Variants in CLASP1 observed in about 807,000 individuals in gnomAD.
The protein encoded by CLASP1 is CLIP-associating protein 1.
CLASP1 carries 38 observed loss-of-function variants against 192.3 expected under a neutral mutation model. The observed-to-expected ratio is 0.20, with a 90% CI of 0.15 to 0.26. CLASP1 has a LOEUF of 0.26. CLASP1 is among the 10% of genes least tolerant of loss of function. The probability of loss-of-function intolerance (pLI) is 1.00; values close to 1 mark genes in which losing one functional copy is unlikely to be tolerated. For synonymous variants in CLASP1, 691 were observed against 712.8 expected, an observed-to-expected ratio of 0.97 and a Z score of 0.49; for missense variants, 1,433 against 1,932.5, an observed-to-expected ratio of 0.74 and a Z score of 4.85.
chr2:121,647,305 T>C (rs1177075478), intron 1 of CLASP1, among the ~76,000 whole-genome samples: 3 of 152,060 alleles, frequency 2.0e-5, no homozygotes, highest in East Asian at 1.9e-4. Flanking sequence ...GAGGTGGAGG[T>C]TGCAGTGAGC....
intron 1 of CLASP1, among the ~76,000 whole-genome samples, chr2:121,610,422 AGAG>A (rs1288486797): frequency 5.1e-5 from 5 of 97,250 alleles, no homozygotes; most frequent in Non-Finnish European, 8.7e-5. Context: ...AAGAGGAACT[AGAG>A]GAGGAGGAGG....
chr2:121,596,425 A>G (rs539255880), intron 2 of CLASP1, among the ~76,000 whole-genome samples: 8 of 152,348 alleles, frequency 5.3e-5, no homozygotes, highest in South Asian at 4.1e-4. Flanking sequence ...TCTGAATCCA[A>G]TAATCTTTTC....
At chr2:121,413,038 G>A (rs1298941754) in intron 23 of CLASP1, among the ~76,000 whole-genome samples, 2 of 152,102 alleles carry the variant, frequency 1.3e-5, no homozygotes, top group Non-Finnish European at 2.9e-5. Context: ...TGGGTAAATC[G>A]CTTGAGCCCA....
chr2:121,352,445 A>G (rs938764521), intron 37 of CLASP1, among the ~76,000 whole-genome samples: 2 of 152,350 alleles, frequency 1.3e-5, no homozygotes, highest in Admixed American at 6.5e-5. Flanking sequence ...CTTTCCACAC[A>G]GGTCACCTGA....
chr2:121,578,100 T>G (rs2060715390), intron 2 of CLASP1, among the ~76,000 whole-genome samples: 1 of 152,044 alleles, frequency 6.6e-6, no homozygotes, highest in South Asian at 2.1e-4. Flanking sequence ...GTCCGGCTAA[T>G]TTTTAAATTT....
chr2:121,569,062 A>G lies in CLASP1; in HGVS notation c.195+36639T>C, dbSNP rs1353065547. Among the ~76,000 whole-genome samples the G allele has an allele frequency of 3.3e-5, 5 of 152,254 alleles. No individual in the cohort carries two copies. In the East Asian group the frequency reaches 7.7e-4, roughly 24 times the overall value. ...ATGTTAATTTACTCAATAAATATTT[A>G]TTGAGTGGCCACCATGTCCCAAGCA... On this transcript the variant is annotated intron_variant, in intron 2 of 39. Coordinates refer to ENST00000263710, the Ensembl canonical transcript of CLASP1.
chr2:121,393,729 G>A (rs938102591), intron 30 of CLASP1, among the ~76,000 whole-genome samples: 2 of 152,150 alleles, frequency 1.3e-5, no homozygotes, highest in African/African-American at 4.8e-5. Context: ...TTAATCTGCA[G>A]TGCCCTAATG....
chr2:121,407,891 A>G (rs1248719940), intron 24 of CLASP1, 176 bp from the exon 26 acceptor site: 1 of 828,502 alleles, frequency 1.2e-6, no homozygotes, highest in Non-Finnish European at 2.1e-6. Context: ...GCAGTTTTCC[A>G]TTAGGTAAAT....
chr2:121,482,401 T>C (rs1159830513), intron 8 of CLASP1, among the ~76,000 whole-genome samples: 1 of 152,160 alleles, frequency 6.6e-6, no homozygotes, highest in Non-Finnish European at 1.5e-5. Flanking sequence ...TTGGCCAAAC[T>C]GGAGGCCCAG....
At chr2:121,352,018 C>G (rs1463259703) in intron 37 of CLASP1, among the ~76,000 whole-genome samples, 2 of 152,214 alleles carry the variant, frequency 1.3e-5, no homozygotes, top group Non-Finnish European at 2.9e-5. Flanking sequence ...CCGGGCCACC[C>G]ATGCTCTGGT....
intron 1 of CLASP1, among the ~76,000 whole-genome samples, chr2:121,620,321 G>T (rs1171750161): frequency 1.3e-5 from 2 of 152,066 alleles, no homozygotes; most frequent in Admixed American, 6.5e-5. Flanking sequence ...TCTAATTGTG[G>T]TTGTGATTTT....
chr2:121,540,888 G>C (rs796866706), intron 2 of CLASP1, among the ~76,000 whole-genome samples: 19 of 152,102 alleles, frequency 1.2e-4, no homozygotes, highest in African/African-American at 4.6e-4. Flanking sequence ...AGTCAGAAGA[G>C]TGGTTACTTA....
At chr2:121,449,230 G>C (rs1283236056) in intron 16 of CLASP1, 110 bp from the exon 17 acceptor site, 1 of 850,896 alleles carries the variant, frequency 1.2e-6, no homozygotes, top group Non-Finnish European at 1.8e-6. Context: ...CCTCAGTTTA[G>C]CCGCTAATAG....
chr2:121,453,030 T>C (rs2085843811), intron 14 of CLASP1, among the ~76,000 whole-genome samples: 1 of 152,194 alleles, frequency 6.6e-6, no homozygotes, highest in Admixed American at 6.5e-5. Flanking sequence ...CTCACGCCTG[T>C]AATCCCAGCA....
At chr2:121,546,561 T>C (rs960005543) in intron 2 of CLASP1, among the ~76,000 whole-genome samples, 2 of 151,924 alleles carry the variant, frequency 1.3e-5, no homozygotes, top group Non-Finnish European at 2.9e-5. Flanking sequence ...TGAGTGAATA[T>C]GGGACCCCGG....
intron 1 of CLASP1, among the ~76,000 whole-genome samples, chr2:121,628,519 T>C (rs1358175277): frequency 1.3e-5 from 2 of 151,634 alleles, no homozygotes; most frequent in African/African-American, 4.8e-5. Context: ...CTACTAAAAA[T>C]ACAAAAATTA....
chr2:121,495,991 C>G (rs1219815652), intron 8 of CLASP1, among the ~76,000 whole-genome samples: 1 of 152,204 alleles, frequency 6.6e-6, no homozygotes, highest in Admixed American at 6.5e-5. Flanking sequence ...AATCCCATAG[C>G]TAAAGCATTG....
At chr2:121,515,817 C>G in intron 6 of CLASP1, 55 bp from the exon 7 acceptor site, 1 of 1,451,780 alleles carries the variant, frequency 6.9e-7, no homozygotes, top group South Asian at 1.2e-5. Flanking sequence ...CCAGCAAGTC[C>G]TGCTGGGACA....
chr2:121,408,093 C>T (rs570764610), intron 24 of CLASP1, among the ~76,000 whole-genome samples: 8 of 152,166 alleles, frequency 5.3e-5, no homozygotes, highest in African/African-American at 1.9e-4. Context: ...ATCATACAGG[C>T]TTGTTGTGAA....
Sources: gnomAD v4.1 joint callset for allele counts (sites outside exome capture counted in the v4.1 genomes callset) on GRCh38, gnomAD v4.1.1 for gene constraint, MANE v1.5 for transcripts, NCBI Gene and HGNC (gene_info 2026-07-23, HGNC 2026-07-21) for gene names.